Variants in GPD2 observed in about 807,000 individuals in gnomAD.
The protein encoded by GPD2 is glycerol-3-phosphate dehydrogenase 2.
A neutral mutation model predicts 82.4 loss-of-function variants in GPD2; 54 were observed. The ratio of observed to expected loss-of-function variants is 0.66; its 90% CI spans 0.53 to 0.82. The LOEUF (loss-of-function observed/expected upper bound fraction) is 0.82. Ranked by LOEUF, GPD2 falls within the 40% of genes least tolerant of loss-of-function variation. The pLI is 0.00. For synonymous variants in GPD2, 288 were observed against 306.1 expected (o/e 0.94, Z 0.62); for missense variants, 748 against 896.2 (o/e 0.83, Z 2.11).
At chr2:156,499,117 G>GA (rs1025838065) in intron 3 of GPD2, among the ~76,000 whole-genome samples, 2 of 152,154 alleles carry the variant, frequency 1.3e-5, no homozygotes, top group African/African-American at 4.8e-5. Context: ...TGAGTATGAA[G>GA]AGCTACTCTT....
chr2:156,535,357 A>C (rs1288776261), intron 6 of GPD2, among the ~76,000 whole-genome samples: 1 of 126,610 alleles, frequency 7.9e-6, no homozygotes, highest in Non-Finnish European at 1.7e-5. Flanking sequence ...GAAAGAAAGA[A>C]AGAGAGAGAG....
chr2:156,510,781 T>C lies in GPD2; in HGVS notation c.275-15T>C, dbSNP rs1282664122. On this transcript the variant is annotated splice_polypyrimidine_tract_variant and intron_variant, in intron 3 of 16. Coordinates refer to ENST00000438166, the MANE Select transcript of GPD2 (RefSeq NM_000408.5). The stretch of plus-strand genomic sequence containing the variant: ...GTGTAATTTAAGAAGTTAATTTGGT[T>C]TTCTGGTTACACAGGACTAAAAACA... 2.5e-6 allele frequency: 4 copies of C among 1,609,700 alleles called. No individual in the cohort carries two copies. In the East Asian group the frequency reaches 6.7e-5, roughly 27 times the overall value.
intron 6 of GPD2, among the ~76,000 whole-genome samples, chr2:156,538,764 T>A (rs1324595324): frequency 7.1e-6 from 1 of 140,262 alleles, no homozygotes; most frequent in East Asian, 2.0e-4. Flanking sequence ...GAGCTTGCAG[T>A]GAGCCGAGAT....
intron 1 of GPD2, among the ~76,000 whole-genome samples, chr2:156,451,341 T>G (rs1187907365): frequency 1.7e-3 from 138 of 79,264 alleles, no homozygotes; most frequent in African/African-American, 3.0e-3. Context: ...CGGGCGGGGG[T>G]GCTCCTCACT....
At chr2:156,581,147 C>T (rs1688009621) in intron 16 of GPD2, among the ~76,000 whole-genome samples, 1 of 151,828 alleles carries the variant, frequency 6.6e-6, no homozygotes, top group Non-Finnish European at 1.5e-5. Context: ...AAACTATCTG[C>T]AGGTTTTCTT....
At chr2:156,470,794 A>C (rs1161225564) in intron 1 of GPD2, among the ~76,000 whole-genome samples, 1 of 152,232 alleles carries the variant, frequency 6.6e-6, no homozygotes. Context: ...CTAAGAATTC[A>C]TCTGAGCCAG....
chr2:156,469,349 G>C (rs1683248750), intron 1 of GPD2, among the ~76,000 whole-genome samples: 2 of 152,096 alleles, frequency 1.3e-5, no homozygotes. Flanking sequence ...ATTTTTAGTA[G>C]AGACGGAGTT....
chr2:156,494,278 G>A (rs1200696502), intron 2 of GPD2, among the ~76,000 whole-genome samples: 1 of 152,134 alleles, frequency 6.6e-6, no homozygotes, highest in Non-Finnish European at 1.5e-5. Context: ...AACAACTCTG[G>A]TGGTTACTTT....
the GPD2 span, among the ~76,000 whole-genome samples, chr2:156,409,962 C>G: frequency 6.6e-6 from 1 of 152,120 alleles, no homozygotes; most frequent in South Asian, 2.1e-4. Flanking sequence ...CAGAGGATCC[C>G]TTGAACCCAG....
chr2:156,426,825 TA>T, the GPD2 span, among the ~76,000 whole-genome samples: 87,397 of 151,038 alleles, frequency 0.58, 25,489 homozygotes, highest in East Asian at 0.76. Context: ...TGGAGAAATT[TA>T]AAAAAAAAAG....
In GPD2 at chr2:156,522,107, A is replaced by G. The variant is rs143138411; in HGVS notation, c.661+8611A>G. ...TCAAAGGAAACCTTGAATAAATAGGACACACTGTGTCCACCCAGGCTAACA... is the reference window on the plus strand; with the variant it reads ...TCAAAGGAAACCTTGAATAAATAGGGCACACTGTGTCCACCCAGGCTAACA... On this transcript the variant is annotated intron_variant, in intron 6 of 16. Transcript: ENST00000438166. 3.8e-3 allele frequency among the ~76,000 whole-genome samples: 579 copies of G among 152,142 alleles called. 2 individuals carry two copies. The highest frequency in any genetic ancestry group is 0.013 in the African/African-American group (553 of 41,410).
At chr2:156,512,958 T>G (rs919440298) in intron 5 of GPD2, among the ~76,000 whole-genome samples, 3 of 152,176 alleles carry the variant, frequency 2.0e-5, no homozygotes, top group Admixed American at 1.3e-4. Flanking sequence ...CGCTTAGGAC[T>G]TCCTGAACCA....
intron 1 of GPD2, among the ~76,000 whole-genome samples, chr2:156,467,523 A>C (rs968767123): frequency 6.6e-6 from 1 of 152,162 alleles, no homozygotes; most frequent in Non-Finnish European, 1.5e-5. Flanking sequence ...ATTCTTTACA[A>C]CTATAGGTTG....
chr2:156,479,593 G>A (rs551186308), intron 2 of GPD2, among the ~76,000 whole-genome samples: 40 of 152,292 alleles, frequency 2.6e-4, no homozygotes, highest in African/African-American at 7.5e-4. Flanking sequence ...TAAGGAGAGG[G>A]CAATTATTAT....
chr2:156,444,774 CAG>C (rs1158453016), intron 1 of GPD2, among the ~76,000 whole-genome samples: 1 of 151,966 alleles, frequency 6.6e-6, no homozygotes, highest in Non-Finnish European at 1.5e-5. Flanking sequence ...TTTTTAAAGA[CAG>C]AGTCTTGCTC....
intron 3 of GPD2, among the ~76,000 whole-genome samples, chr2:156,509,784 T>TTTTTTA (rs1553471067): frequency 2.9e-4 from 43 of 146,856 alleles, no homozygotes; most frequent in African/African-American, 7.2e-4. Context: ...TTTTTTTTTT[T>TTTTTTA]ATTTCCTGAG....
intron 1 of GPD2, among the ~76,000 whole-genome samples, chr2:156,448,376 G>C (rs1174752652): frequency 6.6e-6 from 1 of 152,106 alleles, no homozygotes; most frequent in Non-Finnish European, 1.5e-5. Flanking sequence ...CAAAGTGCTG[G>C]GATGGGATTA....
chr2:156,545,089 T>G (rs1236605163), intron 6 of GPD2, among the ~76,000 whole-genome samples: 1 of 152,182 alleles, frequency 6.6e-6, no homozygotes, highest in Non-Finnish European at 1.5e-5. Context: ...TGAGTACGTG[T>G]GCATGTGCAC....
At chr2:156,513,970 C>A (rs1418316860) in intron 6 of GPD2, among the ~76,000 whole-genome samples, 1 of 152,184 alleles carries the variant, frequency 6.6e-6, no homozygotes, top group African/African-American at 2.4e-5. Flanking sequence ...GTATTTTGCA[C>A]AGGACACAAT....
Sources: allele counts gnomAD v4.1 joint callset (sites outside exome capture counted in the v4.1 genomes callset), GRCh38; gene constraint gnomAD v4.1.1; transcripts MANE v1.5; gene names NCBI Gene and HGNC (gene_info 2026-07-23, HGNC 2026-07-21).